The following TRUB1 variants were observed in gnomAD, a reference collection of about 807,000 sequenced individuals.
The protein encoded by TRUB1 is pseudouridylate synthase TRUB1.
In TRUB1, 23 loss-of-function variants were observed where a neutral mutation model predicts 33.9. The observed-to-expected ratio is 0.68, with a 90% CI of 0.49 to 0.96. TRUB1 has a LOEUF of 0.96. Ranked by LOEUF, TRUB1 falls within the 40% of genes least tolerant of loss-of-function variation. The pLI is 0.00. For missense variants in TRUB1, 378 were observed against 422.2 expected, an observed-to-expected ratio of 0.90 and a Z score of 0.92; for synonymous variants, 163 against 165.4, an observed-to-expected ratio of 0.99 and a Z score of 0.11.
chr10:114,954,023 C>G (rs2084249248), intron 3 of TRUB1, among the ~76,000 whole-genome samples: 1 of 151,726 alleles, frequency 6.6e-6, no homozygotes, highest in South Asian at 2.1e-4. Flanking sequence ...AACTCTAACC[C>G]TATGTATGAT....
chr10:114,964,266 A>G (rs1011719857), intron 4 of TRUB1, among the ~76,000 whole-genome samples: 5 of 151,932 alleles, frequency 3.3e-5, no homozygotes, highest in Non-Finnish European at 5.9e-5. Flanking sequence ...TTTTTGGCTT[A>G]TTAGCCATCT....
At chr10:114,962,496 G>T (rs1430682579) in intron 4 of TRUB1, among the ~76,000 whole-genome samples, 1 of 152,200 alleles carries the variant, frequency 6.6e-6, no homozygotes, top group Non-Finnish European at 1.5e-5. Context: ...AGGACAAAAT[G>T]ACTTAAGAAC....
Position 114,949,605 on chromosome 10 carries a change from A to C in TRUB1, c.386-1489A>C, listed in dbSNP as rs1189777978. Among the ~76,000 whole-genome samples, 3 of 152,162 alleles carry C rather than the reference A, an allele frequency of 2.0e-5. No homozygotes were observed. The South Asian group carries it at 6.2e-4, about 32-fold the overall frequency. On this transcript the variant is annotated intron_variant, in intron 2 of 7. Coordinates refer to ENST00000298746, the MANE Select transcript of TRUB1 (RefSeq NM_139169.5). ...TAAGGATTGTTTGGGGGGCTTTGTA[A>C]TGTGAAAAATAGGGTTTCAGAAATG...
chr10:114,951,556 G>A (rs937561379), intron 3 of TRUB1, among the ~76,000 whole-genome samples: 1 of 152,106 alleles, frequency 6.6e-6, no homozygotes, highest in African/African-American at 2.4e-5. Context: ...GGTTATAAAT[G>A]TTTATTAAAG....
At chr10:114,975,065 C>T (rs996933356) in intron 7 of TRUB1, 58 bp from the exon 8 acceptor site, 1 of 1,542,736 alleles carries the variant, frequency 6.5e-7, no homozygotes, top group East Asian at 2.3e-5. Flanking sequence ...CAATTACAGA[C>T]TATGAAATAC....
chr10:114,945,495 T>C (rs150029063), intron 2 of TRUB1, among the ~76,000 whole-genome samples: 36 of 152,250 alleles, frequency 2.4e-4, no homozygotes, highest in African/African-American at 8.7e-4. Flanking sequence ...CGGGTGGCGG[T>C]TCTTCATTGG....
intron 4 of TRUB1, among the ~76,000 whole-genome samples, chr10:114,966,916 G>A (rs1298496554): frequency 6.6e-6 from 1 of 152,134 alleles, no homozygotes; most frequent in African/African-American, 2.4e-5. Context: ...TGCTTCTAAA[G>A]CATGACTTTT....
Position 114,977,271 on chromosome 10 carries a change from T to A in TRUB1, c.*1892T>A, listed in dbSNP as rs2084365428. On this transcript the variant is annotated 3_prime_UTR_variant, in exon 8 of 8. Coordinates refer to ENST00000298746, the MANE Select transcript of TRUB1 (RefSeq NM_139169.5). ...ATTTTCCTTTTTGTTGTTCACATAGTCTTAAGGCACCTATACTTTTAAATT... is the reference window on the plus strand; with the variant it reads ...ATTTTCCTTTTTGTTGTTCACATAGACTTAAGGCACCTATACTTTTAAATT... 1 of 152,264 alleles carries A rather than the reference T, an allele frequency of 6.6e-6. No homozygotes were observed. The highest frequency in any genetic ancestry group is 6.5e-5 in the Admixed American group (1 of 15,292). 9.4% of individuals were successfully genotyped at this position (152,264 alleles called of 1,614,324 possible).
intron 3 of TRUB1, among the ~76,000 whole-genome samples, chr10:114,959,133 T>TCAAA (rs541284032): frequency 1.1e-4 from 16 of 152,256 alleles, no homozygotes; most frequent in East Asian, 5.8e-4. Context: ...AAACTCCATC[T>TCAAA]CAAACAAACA....
chr10:114,938,335 G>A lies in TRUB1; in HGVS notation c.82G>A (p.Val28Ile). 6.2e-7 allele frequency: 1 copy of A among 1,613,066 alleles called. No homozygotes were observed. Among genetic ancestry groups the A allele is most frequent in the Non-Finnish European group, 8.5e-7 (1 of 1,179,626 alleles). The change falls in exon 1 of 8, where the codon GTC becomes ATC. Residue 28 changes from valine to isoleucine, a missense_variant. Physicochemically the swap from Val to Ile is conservative, Grantham distance 29. Coordinates refer to ENST00000298746, the MANE Select transcript of TRUB1 (RefSeq NM_139169.5). Reference protein sequence around the residue: ...TSPVLETAGTVAAMAATPSAR... With the variant: ...TSPVLETAGTIAAMAATPSAR... ...CCCTGTCCTTGAAACTGCAGGAACG[G>A]TCGCAGCAATGGCTGCGACCCCGTC...
chr10:114,961,919 T>C (rs1171501329), intron 4 of TRUB1, among the ~76,000 whole-genome samples: 1 of 152,224 alleles, frequency 6.6e-6, no homozygotes, highest in African/African-American at 2.4e-5. Flanking sequence ...ATGACCAATA[T>C]CTTATAATGC....
At chr10:114,970,217 T>C (rs184864242) in intron 4 of TRUB1, 151 bp from the exon 5 acceptor site, 1 of 522,404 alleles carries the variant, frequency 1.9e-6, no homozygotes, top group African/African-American at 1.9e-5. Context: ...TTTATTCTTT[T>C]TAACAAGGTA....
At chr10:114,949,962 G>A (rs1324241357) in intron 2 of TRUB1, among the ~76,000 whole-genome samples, 1 of 142,616 alleles carries the variant, frequency 7.0e-6, no homozygotes, top group Non-Finnish European at 1.5e-5. Context: ...GCAATGGTGT[G>A]ATCTTGGCTC....
intron 1 of TRUB1, among the ~76,000 whole-genome samples, chr10:114,940,802 T>A (rs972181144): frequency 6.6e-6 from 1 of 152,136 alleles, no homozygotes; most frequent in Non-Finnish European, 1.5e-5. Context: ...TCTGTTAATT[T>A]ATGAGTGAGA....
chr10:114,938,466 G>C lies in TRUB1; in HGVS notation c.213G>C (p.Val71=). 2 of 1,594,344 alleles carry C rather than the reference G, an allele frequency of 1.3e-6. No individual in the cohort carries two copies. The highest frequency in any genetic ancestry group is 1.7e-6 in the Non-Finnish European group (2 of 1,171,362). ...CCAAGCTGCTGTCCTTGAGCGGCGT[G>C]TTCGCCGTGCACAAGCCCAAAGGGC... is the stretch of plus-strand genomic sequence containing the variant. ...LATKLLSLSG[V]FAVHKPKGPT... The change falls in exon 1 of 8, where the codon GTG becomes GTC. Residue 71 remains valine, a synonymous_variant. Transcript: ENST00000298746.
chr10:114,954,630 A>G (rs116784907), intron 3 of TRUB1, among the ~76,000 whole-genome samples: 1,632 of 149,678 alleles, frequency 0.011, 26 homozygotes, highest in African/African-American at 0.037. Flanking sequence ...TCTGCCAGTG[A>G]TCATATTTCT....
chr10:114,952,407 C>T (rs1419480768), intron 3 of TRUB1, among the ~76,000 whole-genome samples: 6 of 152,150 alleles, frequency 3.9e-5, no homozygotes, highest in East Asian at 1.9e-4. Context: ...CGCCATTGCA[C>T]GCCAGCGTGG....
chr10:114,966,562 A>G (rs749381472), intron 4 of TRUB1, among the ~76,000 whole-genome samples: 1 of 152,244 alleles, frequency 6.6e-6, no homozygotes, highest in Non-Finnish European at 1.5e-5. Context: ...TTGAAGCTAT[A>G]GATCAATTTT....
At chr10:114,955,797 G>A (rs1476916970) in intron 3 of TRUB1, among the ~76,000 whole-genome samples, 1 of 151,944 alleles carries the variant, frequency 6.6e-6, no homozygotes, top group Non-Finnish European at 1.5e-5. Flanking sequence ...TTCTATATAC[G>A]CTATTAATTT....
Sources: gnomAD v4.1 joint callset for allele counts (sites outside exome capture counted in the v4.1 genomes callset) on GRCh38, gnomAD v4.1.1 for gene constraint, MANE v1.5 for transcripts, NCBI Gene and HGNC (gene_info 2026-07-23, HGNC 2026-07-21) for gene names.